The following CMYA5 variants were observed in gnomAD, a reference collection of about 807,000 sequenced individuals.
The protein encoded by CMYA5 is cardiomyopathy associated 5.
In CMYA5, 246 loss-of-function variants were observed where a neutral mutation model predicts 318.9. The observed-to-expected ratio is 0.77, with a 90% CI of 0.70 to 0.86. The LOEUF is 0.86. Ranked by LOEUF, CMYA5 falls within the 40% of genes least tolerant of loss-of-function variation. The pLI, the probability that CMYA5 is intolerant of heterozygous loss-of-function variation, is 0.00. For synonymous variants in CMYA5, 1,641 were observed against 1,729.5 expected, an observed-to-expected ratio of 0.95 and a Z score of 1.27; for missense variants, 4,589 against 4,678.2, an observed-to-expected ratio of 0.98 and a Z score of 0.56.
chr5:79,737,362 T>C lies in CMYA5; in HGVS notation c.8597T>C (p.Val2866Ala), dbSNP rs1331844197. ...DDTSDVPKQSVLVSKHHLEAA... is the reference protein window; with the variant it reads ...DDTSDVPKQSALVSKHHLEAA... ...ACATCCGATGTGCCTAAACAATCTG[T>C]TCTTGTTTCAAAGCACCACTTGGAG... The change falls in exon 2 of 13, where the codon GTT (valine) becomes GCT (alanine). Residue 2866 changes from valine to alanine, a missense_variant. Physicochemically the swap from Val to Ala is moderately conservative, Grantham distance 64. This residue lies in a region of CMYA5 where 2,431 missense variants were observed against 2,495.1 expected (regional missense o/e 0.97). Transcript: ENST00000446378. The C allele has an allele frequency of 6.2e-7, 1 of 1,613,836 alleles. No individual in the cohort carries two copies. Among genetic ancestry groups the C allele is most frequent in the Non-Finnish European group, 8.5e-7 (1 of 1,179,812 alleles).
Position 79,729,287 on chromosome 5 carries a change from C to T in CMYA5, c.522C>T (p.Ser174=). The T allele has an allele frequency of 6.2e-7, 1 of 1,610,858 alleles. No individual in the cohort carries two copies. The highest frequency in any genetic ancestry group is 8.5e-7 in the Non-Finnish European group (1 of 1,179,064). The change falls in exon 2 of 13, where the codon AGC becomes AGT. Residue 174 remains serine, a synonymous_variant. Coordinates refer to ENST00000446378, the MANE Select transcript of CMYA5 (RefSeq NM_153610.5). ...AAGGCAGTCCTTTAACTTCAGCAAG[C>T]CAGGTACTAACCACGGAGAAAGAGA... ...NKKGSPLTSA[S]QVLTTEKEKS...
At chr5:79,760,843 T>C (rs1475150246) in intron 7 of CMYA5, among the ~76,000 whole-genome samples, 2 of 152,162 alleles carry the variant, frequency 1.3e-5, no homozygotes, top group Non-Finnish European at 2.9e-5. Context: ...TTCTTCAGTG[T>C]ACAGGTCCTT....
intron 11 of CMYA5, among the ~76,000 whole-genome samples, chr5:79,792,203 C>T (rs531212533): frequency 2.6e-5 from 4 of 152,334 alleles, no homozygotes; most frequent in Non-Finnish European, 5.9e-5. Flanking sequence ...GGTCATTTGT[C>T]AGCCACTTAC....
At chr5:79,794,739 C>A (rs1242218818) in intron 12 of CMYA5, among the ~76,000 whole-genome samples, 1 of 152,152 alleles carries the variant, frequency 6.6e-6, no homozygotes, top group Non-Finnish European at 1.5e-5. Context: ...TTGCAAGTTC[C>A]CAGAAAAGGC....
Position 79,738,623 on chromosome 5 carries a change from TG to T in CMYA5, c.9860del (p.Gly3287GlufsTer22). On this transcript the variant is annotated frameshift_variant, in exon 2 of 13. Coordinates refer to ENST00000446378, the MANE Select transcript of CMYA5 (RefSeq NM_153610.5). LOFTEE classifies it high-confidence loss of function. ...AAEGEIWGKF[G>X]TICREKSLEE... Reference sequence around the variant, plus strand: ...CAGAAGGGGAAATTTGGGGAAAGTTTGGAACTATTTGCAGGGAGAAGAGTCT... The same window carrying T: ...CAGAAGGGGAAATTTGGGGAAAGTTTGAACTATTTGCAGGGAGAAGAGTCT... 1.2e-6 allele frequency: 2 copies of T among 1,613,860 alleles called. No homozygotes were observed. The highest frequency in any genetic ancestry group is 1.7e-6 in the Non-Finnish European group (2 of 1,179,860).
At chr5:79,768,551 G>A (rs1161265697) in intron 9 of CMYA5, among the ~76,000 whole-genome samples, 1 of 152,166 alleles carries the variant, frequency 6.6e-6, no homozygotes, top group Non-Finnish European at 1.5e-5. Flanking sequence ...CTTTGCTTAT[G>A]AAGCTTAGTT....
intron 9 of CMYA5, among the ~76,000 whole-genome samples, chr5:79,778,825 G>GTGTGTGTA (rs1480478634): frequency 1.4e-4 from 16 of 117,060 alleles, no homozygotes; most frequent in South Asian, 3.0e-4. Context: ...GTGTGTGTGT[G>GTGTGTGTA]TGTGTGTGTG....
In CMYA5 at chr5:79,730,420, C is replaced by A. The variant is rs1827863639; in HGVS notation, c.1655C>A (p.Ser552Tyr). ...GAGAAGCCCTTCCCACCACATATGTCCCCTGAAGTGGAGCACAAAGAAGAA... is the reference window on the plus strand; with the variant it reads ...GAGAAGCCCTTCCCACCACATATGTACCCTGAAGTGGAGCACAAAGAAGAA... ...VSEKPFPPHM[S>Y]PEVEHKEEEL... Residue 552 changes from serine to tyrosine, a missense_variant, in exon 2 of 13, where the codon TCC becomes TAC. Transcript: ENST00000446378. 6.2e-7 allele frequency: 1 copy of A among 1,613,754 alleles called. No individual in the cohort carries two copies. The highest frequency in any genetic ancestry group is 8.5e-7 in the Non-Finnish European group (1 of 1,179,878).
chr5:79,763,127 T>C lies in CMYA5; in HGVS notation c.11473T>C (p.Trp3825Arg), dbSNP rs750020623. The C allele has an allele frequency of 1.2e-6, 2 of 1,613,674 alleles. No individual in the cohort carries two copies. Among genetic ancestry groups the C allele is most frequent in the Admixed American group, 1.7e-5 (1 of 59,996 alleles). ...GTGTTGGAACACAGCCACTATCCGA[T>C]GGCGGCCCACCACCCCAGAGGCCAC... ...TVCWNTATIR[W>R]RPTTPEATET... The change falls in exon 9 of 13, where the codon TGG (tryptophan) becomes CGG (arginine). Residue 3825 changes from tryptophan to arginine, a missense_variant. Trp to Arg is a moderately radical substitution (Grantham distance 101). Transcript: ENST00000446378.
intron 11 of CMYA5, among the ~76,000 whole-genome samples, chr5:79,793,118 A>G (rs1580810420): frequency 1.3e-5 from 2 of 152,352 alleles, no homozygotes; most frequent in African/African-American, 4.8e-5. Flanking sequence ...TTAAAGGCAG[A>G]GACTGCAGCA....
rs1828249849 is a variant in CMYA5, at chr5:79,743,108, T to A, written c.10639-719T>A. Among the ~76,000 whole-genome samples, 5 of 152,208 alleles carry A rather than the reference T, an allele frequency of 3.3e-5. No individual in the cohort carries two copies. In the South Asian group the frequency reaches 1.0e-3, roughly 31 times the overall value. On this transcript the variant is annotated intron_variant, in intron 2 of 12. Coordinates refer to ENST00000446378, the MANE Select transcript of CMYA5 (RefSeq NM_153610.5). Reference sequence around the variant, plus strand: ...AGACCAGATCCTGAAGAGGCCTCCATCAATGTTGTATCTCCATCAGTCTGT... The same window carrying A: ...AGACCAGATCCTGAAGAGGCCTCCAACAATGTTGTATCTCCATCAGTCTGT...
Position 79,737,269 on chromosome 5 carries a change from A to G in CMYA5, c.8504A>G (p.Glu2835Gly), listed in dbSNP as rs979052728. Residue 2835 changes from glutamate (E) to glycine (G), a missense_variant, in exon 2 of 13, where the codon GAA (glutamate) becomes GGA (glycine). Glu to Gly is a moderately conservative substitution (Grantham distance 98, BLOSUM62 -2). Coordinates refer to ENST00000446378, the MANE Select transcript of CMYA5 (RefSeq NM_153610.5). The part of the protein sequence containing the change: ...SPEINAVKKK[E>G]MPRSELTPER... ...GAAATTAACGCAGTGAAGAAAAAAG[A>G]AATGCCACGATCAGAATTGACTCCA... 1.9e-6 allele frequency: 3 copies of G among 1,613,856 alleles called. No homozygotes were observed. Among genetic ancestry groups the G allele is most frequent in the Non-Finnish European group, 1.7e-6 (2 of 1,179,812 alleles).
chr5:79,736,377 G>C lies in CMYA5; in HGVS notation c.7612G>C (p.Gly2538Arg). 6.2e-7 allele frequency: 1 copy of C among 1,612,820 alleles called. No homozygotes were observed. The highest frequency in any genetic ancestry group is 8.5e-7 in the Non-Finnish European group (1 of 1,179,344). ...CATTGTTGGTTCTGAAAAGGAGAAA[G>C]GTGAAGAAAAAGAAAATCAGGTATA... ...KIIVGSEKEK[G>R]EEKENQVYVL... Residue 2538 changes from glycine to arginine, a missense_variant, in exon 2 of 13, where the codon GGT becomes CGT. Coordinates refer to ENST00000446378, the MANE Select transcript of CMYA5 (RefSeq NM_153610.5).
intron 7 of CMYA5, among the ~76,000 whole-genome samples, chr5:79,761,439 T>C (rs1333334027): frequency 6.6e-6 from 1 of 152,222 alleles, no homozygotes; most frequent in Non-Finnish European, 1.5e-5. Flanking sequence ...TCTGAAATAT[T>C]GGCACTGGTT....
intron 1 of CMYA5, among the ~76,000 whole-genome samples, chr5:79,709,528 A>G (rs1056604341): frequency 6.6e-6 from 1 of 151,846 alleles, no homozygotes; most frequent in African/African-American, 2.4e-5. Context: ...GTTCTAAGAC[A>G]TTATTTGCAT....
Position 79,799,871 on chromosome 5 carries a change from A to ACTGC in CMYA5, c.*255_*256insCTGC. 1 of 186,868 alleles carries ACTGC rather than the reference A, an allele frequency of 5.4e-6. No homozygotes were observed. The highest frequency in any genetic ancestry group is 1.3e-4 in the South Asian group (1 of 7,608). 11.6% of individuals were successfully genotyped at this position (186,868 alleles called of 1,614,324 possible). ...ATAAGTTTGAGTTCTTTCCTAAATT[A>ACTGC]AAAGATCTACACTTGAGTTGGGAAC... On this transcript the variant is annotated 3_prime_UTR_variant, in exon 13 of 13. Transcript: ENST00000446378.
chr5:79,729,169 C>A lies in CMYA5; in HGVS notation c.404C>A (p.Thr135Asn). 6.2e-7 allele frequency: 1 copy of A among 1,612,384 alleles called. No individual in the cohort carries two copies. Among genetic ancestry groups the A allele is most frequent in the Non-Finnish European group, 8.5e-7 (1 of 1,179,448 alleles). The change falls in exon 2 of 13, where the codon ACT becomes AAT. Residue 135 changes from threonine (T) to asparagine (N), a missense_variant. Physicochemically the swap from Thr to Asn is moderately conservative, Grantham distance 65. Transcript: ENST00000446378. ...GAAGTGAAAAAGGTTCGGAAAAGGA[C>A]TCATAAGTCAAAGCATGGTTCACCA... ...VDEVKKVRKR[T>N]HKSKHGSPSL... is the part of the protein sequence containing the mutation.
intron 9 of CMYA5, 136 bp from the exon 10 acceptor site, chr5:79,788,835 A>G: frequency 1.2e-6 from 1 of 830,774 alleles, no homozygotes; most frequent in Non-Finnish European, 1.8e-6. Flanking sequence ...TGGCTTGCTA[A>G]TCCAGTGGTC....
intron 1 of CMYA5, among the ~76,000 whole-genome samples, chr5:79,721,562 G>A (rs1827632622): frequency 6.6e-6 from 1 of 152,036 alleles, no homozygotes; most frequent in African/African-American, 2.4e-5. Flanking sequence ...AAAGTATAAA[G>A]ATATAGGAAG....
Sources: allele counts gnomAD v4.1 joint callset (sites outside exome capture counted in the v4.1 genomes callset), GRCh38; gene constraint gnomAD v4.1.1; regional missense constraint gnomAD v4.1.1; transcripts MANE v1.5; gene names NCBI Gene and HGNC (gene_info 2026-07-23, HGNC 2026-07-21).